The following FUBP1 variants were observed in gnomAD, a reference collection of about 807,000 sequenced individuals.
The protein encoded by FUBP1 is far upstream element-binding protein 1.
FUBP1 carries 16 observed loss-of-function variants against 94.9 expected under a neutral mutation model. That is an observed-to-expected ratio of 0.17 (90% CI 0.11 to 0.26). FUBP1 has a LOEUF of 0.26. Ranked by LOEUF, FUBP1 falls within the 10% of genes least tolerant of loss-of-function variation. The probability of loss-of-function intolerance (pLI) is 1.00; values close to 1 mark genes in which losing one functional copy is unlikely to be tolerated. For missense variants in FUBP1, 583 were observed against 808.6 expected, an observed-to-expected ratio of 0.72 and a Z score of 3.38; for synonymous variants, 279 against 254.9, an observed-to-expected ratio of 1.09 and a Z score of -0.90.
At chr1:77,969,798 T>G in intron 2 of FUBP1, 127 bp downstream of exon 2, 1 of 463,620 alleles carries the variant, frequency 2.2e-6, no homozygotes, top group Non-Finnish European at 3.9e-6. Flanking sequence ...TAGGCCAATA[T>G]ACAGCTTACA....
At position 77,944,332 on chromosome 1, in the gene FUBP1, A is replaced by G. The variant is rs1651714804; in HGVS notation, c.*4434T>C. ...AGCATGCATAAGAAAATATATATAT[A>G]TATATGCGCAAATACATTTAAGAGT... On this transcript the variant is annotated 3_prime_UTR_variant, in exon 20 of 20. Coordinates refer to ENST00000370768, the MANE Select transcript of FUBP1 (RefSeq NM_003902.5). The G allele has an allele frequency of 5.1e-6, 1 of 194,992 alleles. No homozygotes were observed. Among genetic ancestry groups the G allele is most frequent in the Non-Finnish European group, 1.1e-5 (1 of 93,526 alleles). 12.1% of individuals were successfully genotyped at this position (194,992 alleles called of 1,614,324 possible). A position where few individuals can be genotyped will look rare whatever the true frequency, so the allele number is the denominator to read the frequency against.
In FUBP1 at chr1:77,947,971, C is replaced by T. The variant is rs989184240; in HGVS notation, c.*795G>A. On this transcript the variant is annotated 3_prime_UTR_variant, in exon 20 of 20. Transcript: ENST00000370768. ...GTTCTTATTAGACTACTCATATTCA[C>T]TATCTGAAAACTGTTTAAAATTAGT... 2.9e-6 allele frequency: 3 copies of T among 1,017,176 alleles called. No individual in the cohort carries two copies. The highest frequency in any genetic ancestry group is 3.6e-6 in the Non-Finnish European group (3 of 837,828). 63.0% of individuals were successfully genotyped at this position (1,017,176 alleles called of 1,614,324 possible). A position where few individuals can be genotyped will look rare whatever the true frequency, so the allele number is the denominator to read the frequency against.
Position 77,970,921 on chromosome 1 carries a change from T to G in FUBP1, c.121-906A>C, listed in dbSNP as rs145545493. Among the ~76,000 whole-genome samples the G allele has an allele frequency of 4.1e-3, 628 of 152,226 alleles. 5 individuals are homozygous for G. The highest frequency in any genetic ancestry group is 0.02 in the Middle Eastern group (6 of 294). On this transcript the variant is annotated intron_variant, in intron 1 of 19. Coordinates refer to ENST00000370768, the MANE Select transcript of FUBP1 (RefSeq NM_003902.5). ...AGCCAGGTGTGGTGGTGCACGCCCA[T>G]AGTCCCAGCTACTCGGGAGGCTGAG... is the stretch of plus-strand genomic sequence containing the variant.
chr1:77,947,905 A>G lies in FUBP1; in HGVS notation c.*861T>C, dbSNP rs1652499682. On this transcript the variant is annotated 3_prime_UTR_variant, in exon 20 of 20. Coordinates refer to ENST00000370768, the MANE Select transcript of FUBP1 (RefSeq NM_003902.5). ...TAAATTTAGAAAGAAACACACTAAC[A>G]TTATATACATTGAAAGAGTTGCTTC... is the stretch of plus-strand genomic sequence containing the variant. The G allele has an allele frequency of 2.0e-6, 2 of 1,011,234 alleles. No individual in the cohort carries two copies. The highest frequency in any genetic ancestry group is 2.4e-6 in the Non-Finnish European group (2 of 822,184). 62.6% of individuals were successfully genotyped at this position (1,011,234 alleles called of 1,614,324 possible).
In FUBP1 at chr1:77,962,899, C is replaced by T; in HGVS notation, c.1215G>A (p.Gln405=). Residue 405 remains glutamine (Q), a synonymous_variant, in exon 14 of 20, where the codon CAG becomes CAA. Transcript: ENST00000370768. ...GGETIKSISQ[Q]SGARIELQRN... ...TCTGAAGTTCTATTCTTGCACCAGACTGCTGGCTTATGCTTTTTATGGTTT... is the reference window on the plus strand; with the variant it reads ...TCTGAAGTTCTATTCTTGCACCAGATTGCTGGCTTATGCTTTTTATGGTTT... 6.2e-7 allele frequency: 1 copy of T among 1,613,090 alleles called. No homozygotes were observed. Among genetic ancestry groups the T allele is most frequent in the Non-Finnish European group, 8.5e-7 (1 of 1,179,298 alleles).
chr1:77,946,134 CATATA>C lies in FUBP1; in HGVS notation c.*2627_*2631del, dbSNP rs1652110517. ...GAGGGCAAAGAAATTTTCTGTCCAT[CATATA>C]AAACAGATTGTGAAGGCTGTTGAAG... On this transcript the variant is annotated 3_prime_UTR_variant, in exon 20 of 20. Coordinates refer to ENST00000370768, the MANE Select transcript of FUBP1 (RefSeq NM_003902.5). 6.6e-6 allele frequency among the ~76,000 whole-genome samples: 1 copy of C among 151,744 alleles called. No individual in the cohort carries two copies. The highest frequency in any genetic ancestry group is 2.4e-5 in the African/African-American group (1 of 41,366).
At chr1:77,966,030 A>T (rs1322823741) in intron 7 of FUBP1, among the ~76,000 whole-genome samples, 1 of 152,252 alleles carries the variant, frequency 6.6e-6, no homozygotes, top group Non-Finnish European at 1.5e-5. Flanking sequence ...AAAAGAAAAG[A>T]AAAAACCTAG....
chr1:77,949,042 A>G (rs1049579504), intron 19 of FUBP1, 113 bp downstream of exon 19: 4 of 1,057,924 alleles, frequency 3.8e-6, no homozygotes, highest in Admixed American at 2.0e-5. Context: ...TTAAATAGTT[A>G]TTATACTTTG....
At chr1:77,954,107 T>G (rs897433289) in intron 18 of FUBP1, among the ~76,000 whole-genome samples, 1 of 152,154 alleles carries the variant, frequency 6.6e-6, no homozygotes, top group Non-Finnish European at 1.5e-5. Flanking sequence ...ACTACAAGTG[T>G]GTGCCACCGC....
At chr1:77,960,318 A>G (rs574304364) in intron 15 of FUBP1, 26 bp downstream of exon 15, 9 of 1,613,102 alleles carry the variant, frequency 5.6e-6, no homozygotes, top group South Asian at 1.1e-5. Context: ...CTTTGGGGAA[A>G]GCCCAGAACT....
intron 8 of FUBP1, 32 bp from the exon 9 acceptor site, chr1:77,965,000 CA>C (rs1553123846): frequency 6.3e-7 from 1 of 1,594,252 alleles, no homozygotes; most frequent in Non-Finnish European, 8.6e-7. Context: ...TATATATTAA[CA>C]AAAGGAAGTG....
At chr1:77,962,974 T>C in intron 13 of FUBP1, 44 bp from the exon 14 acceptor site, 1 of 1,373,640 alleles carries the variant, frequency 7.3e-7, no homozygotes, top group South Asian at 1.3e-5. Context: ...TTCAAGGGTG[T>C]ACTAGGAGCT....
rs2102417800 is a variant in FUBP1, at chr1:77,966,759, T to A, written c.416-8A>T. 1.3e-6 allele frequency: 2 copies of A among 1,543,582 alleles called. No individual in the cohort carries two copies. The highest frequency in any genetic ancestry group is 2.2e-5 in the East Asian group (1 of 44,508). ...CTGGAAGGCCACCACTGTCTACAAT[T>A]TAAAACAAACAGATAACTTCAGGTC... is the stretch of plus-strand genomic sequence containing the variant. On this transcript the variant is annotated splice_region_variant and splice_polypyrimidine_tract_variant and intron_variant, in intron 6 of 19. Transcript: ENST00000370768.
At chr1:77,953,859 G>A (rs1653959582) in intron 18 of FUBP1, among the ~76,000 whole-genome samples, 1 of 152,204 alleles carries the variant, frequency 6.6e-6, no homozygotes, top group Admixed American at 6.5e-5. Flanking sequence ...GTAAAATAAA[G>A]CACAGAAGCC....
chr1:77,964,853 T>A lies in FUBP1; in HGVS notation c.735+17A>T, dbSNP rs761536017. The A allele has an allele frequency of 7.1e-6, 11 of 1,554,050 alleles. No individual in the cohort carries two copies. Among genetic ancestry groups the A allele is most frequent in the Non-Finnish European group, 9.8e-6 (11 of 1,125,322 alleles). Reference sequence around the variant, plus strand: ...TTCAACCCACTCTTTCTTTATAAAGTATAAAGTTAAGTTTACTTGAACTTT... The same window carrying A: ...TTCAACCCACTCTTTCTTTATAAAGAATAAAGTTAAGTTTACTTGAACTTT... On this transcript the variant is annotated intron_variant, in intron 9 of 19. Coordinates refer to ENST00000370768, the MANE Select transcript of FUBP1 (RefSeq NM_003902.5).
chr1:77,949,056 G>C, intron 19 of FUBP1, 99 bp downstream of exon 19: 1 of 1,165,524 alleles, frequency 8.6e-7, no homozygotes, highest in Middle Eastern at 2.9e-4. Flanking sequence ...TACTTTGCCA[G>C]ATAAAAATTT....
intron 18 of FUBP1, among the ~76,000 whole-genome samples, chr1:77,953,406 G>A (rs1031709798): frequency 2.0e-5 from 3 of 152,100 alleles, no homozygotes; most frequent in South Asian, 4.1e-4. Flanking sequence ...CCGGAGAATC[G>A]CTTGAACCTG....
Position 77,945,338 on chromosome 1 carries a change from G to A in FUBP1, c.*3428C>T, listed in dbSNP as rs1269221518. ...AAAACATAACATACACATAAATGTG[G>A]TGTAGTAACTATGTAACTTAAGAAA... is the stretch of plus-strand genomic sequence containing the variant. On this transcript the variant is annotated 3_prime_UTR_variant, in exon 20 of 20. Transcript: ENST00000370768. Among the ~76,000 whole-genome samples, 1 of 151,888 alleles carries A rather than the reference G, an allele frequency of 6.6e-6. No individual in the cohort carries two copies. Among genetic ancestry groups the A allele is most frequent in the African/African-American group, 2.4e-5 (1 of 41,362 alleles).
chr1:77,972,203 A>C (rs1224718050), intron 1 of FUBP1, among the ~76,000 whole-genome samples: 1 of 152,138 alleles, frequency 6.6e-6, no homozygotes, highest in Non-Finnish European at 1.5e-5. Flanking sequence ...TTCCTCAGGA[A>C]AGTAAATACA....
Sources: gnomAD v4.1 joint callset for allele counts (sites outside exome capture counted in the v4.1 genomes callset) on GRCh38, gnomAD v4.1.1 for gene constraint, MANE v1.5 for transcripts, NCBI Gene and HGNC (gene_info 2026-07-23, HGNC 2026-07-21) for gene names.